Variants in GULP1 observed in about 807,000 individuals in gnomAD.
GULP1 encodes the protein PTB domain-containing engulfment adapter protein 1.
Under a neutral mutation model 40.9 loss-of-function variants are expected in GULP1, and 19 were observed. The observed-to-expected ratio is 0.46, with a 90% CI of 0.32 to 0.68. The LOEUF (loss-of-function observed/expected upper bound fraction) is 0.68, where lower values mean the gene tolerates loss of function less well. GULP1 is among the 30% of genes least tolerant of loss of function. The pLI is 0.03. For missense variants in GULP1, 312 were observed against 362.2 expected, an observed-to-expected ratio of 0.86 and a Z score of 1.12; for synonymous variants, 119 against 117.6, an observed-to-expected ratio of 1.01 and a Z score of -0.08.
At chr2:188,488,956 T>TA (rs1336732462) in intron 4 of GULP1, among the ~76,000 whole-genome samples, 3 of 151,988 alleles carry the variant, frequency 2.0e-5, no homozygotes, top group Non-Finnish European at 2.9e-5. Flanking sequence ...GAGAGAAAGT[T>TA]ACAACATTAT....
At chr2:188,509,620 C>G (rs2064298400) in intron 4 of GULP1, among the ~76,000 whole-genome samples, 1 of 151,928 alleles carries the variant, frequency 6.6e-6, no homozygotes, top group Non-Finnish European at 1.5e-5. Context: ...CACTCATTTT[C>G]TATGATATTC....
chr2:188,382,228 A>G (rs1361108660), intron 1 of GULP1, among the ~76,000 whole-genome samples: 1 of 152,168 alleles, frequency 6.6e-6, no homozygotes, highest in East Asian at 1.9e-4. Flanking sequence ...TGAAAGTTCC[A>G]GGGAATTAAT....
chr2:188,472,760 T>A (rs1366034985), intron 2 of GULP1, among the ~76,000 whole-genome samples: 1 of 152,236 alleles, frequency 6.6e-6, no homozygotes, highest in Non-Finnish European at 1.5e-5. Context: ...AGGTGACACA[T>A]CTTTGTTTTT....
chr2:188,429,758 G>C (rs555809499), intron 2 of GULP1, among the ~76,000 whole-genome samples: 8 of 152,056 alleles, frequency 5.3e-5, no homozygotes, highest in African/African-American at 1.9e-4. Context: ...GCCCAGGCTG[G>C]AGTGCAGTGG....
At chr2:188,550,809 TA>T (rs1693277393) in intron 7 of GULP1, among the ~76,000 whole-genome samples, 1 of 151,558 alleles carries the variant, frequency 6.6e-6, no homozygotes, top group Admixed American at 6.6e-5. Flanking sequence ...ATGTTTTTTT[TA>T]TTTCATTACA....
At chr2:188,394,761 C>A (rs1473244721) in intron 2 of GULP1, among the ~76,000 whole-genome samples, 2 of 152,142 alleles carry the variant, frequency 1.3e-5, no homozygotes, top group African/African-American at 4.8e-5. Context: ...TTTATGGTAA[C>A]CTAATGCAGC....
At chr2:188,566,720 C>T (rs916382926) in intron 7 of GULP1, among the ~76,000 whole-genome samples, 3 of 130,590 alleles carry the variant, frequency 2.3e-5, no homozygotes, top group South Asian at 2.6e-4. Context: ...CTCTTGAACT[C>T]GGGAGTGGAG....
At chr2:188,542,878 G>A (rs891337619) in intron 7 of GULP1, among the ~76,000 whole-genome samples, 40 of 152,056 alleles carry the variant, frequency 2.6e-4, no homozygotes, top group African/African-American at 8.7e-4. Context: ...CCTACATAAA[G>A]CAGTAAACTC....
At chr2:188,312,123 T>A (rs773432528) in intron 1 of GULP1, among the ~76,000 whole-genome samples, 2 of 152,030 alleles carry the variant, frequency 1.3e-5, no homozygotes, top group Non-Finnish European at 2.9e-5. Context: ...TTATGTCATA[T>A]CTCTTTATGT....
At chr2:188,408,992 A>C (rs914136179) in intron 2 of GULP1, among the ~76,000 whole-genome samples, 2 of 152,198 alleles carry the variant, frequency 1.3e-5, no homozygotes, top group Admixed American at 1.3e-4. Flanking sequence ...GTAGCAAAAC[A>C]GTTCTAAGAA....
At chr2:188,351,952 C>T (rs1195529136) in intron 1 of GULP1, among the ~76,000 whole-genome samples, 1 of 152,106 alleles carries the variant, frequency 6.6e-6, no homozygotes, top group Non-Finnish European at 1.5e-5. Flanking sequence ...AGCTAAGTTT[C>T]TCTTAACTAT....
intron 1 of GULP1, among the ~76,000 whole-genome samples, chr2:188,320,213 G>A (rs1158284902): frequency 1.3e-5 from 2 of 152,104 alleles, no homozygotes; most frequent in African/African-American, 2.4e-5. Flanking sequence ...GAGAACCAAA[G>A]TTTATTAGCA....
At chr2:188,386,220 CAA>C (rs2049725701) in intron 2 of GULP1, among the ~76,000 whole-genome samples, 1 of 152,100 alleles carries the variant, frequency 6.6e-6, no homozygotes, top group Admixed American at 6.6e-5. Flanking sequence ...CAGCAGCAGA[CAA>C]GAGAAGAGGG....
intron 4 of GULP1, among the ~76,000 whole-genome samples, chr2:188,488,437 A>T (rs115754394): frequency 0.02 from 3,090 of 152,130 alleles, 99 homozygotes; most frequent in African/African-American, 0.071. Flanking sequence ...ATATTTTTTT[A>T]AAACTTAGAT....
chr2:188,513,039 A>G (rs990487436), intron 4 of GULP1, among the ~76,000 whole-genome samples: 1 of 152,116 alleles, frequency 6.6e-6, no homozygotes. Flanking sequence ...TCTTTTGTAC[A>G]TCTGCCTAAA....
At chr2:188,321,906 T>C (rs956619928) in intron 1 of GULP1, among the ~76,000 whole-genome samples, 1 of 152,016 alleles carries the variant, frequency 6.6e-6, no homozygotes. Context: ...TCCCAGCTAC[T>C]TGGGAGGCTG....
chr2:188,588,220 G>C (rs1702812755), intron 11 of GULP1: 3 of 400,526 alleles, frequency 7.5e-6, no homozygotes, highest in Admixed American at 4.1e-5. Flanking sequence ...GGATTCTAAT[G>C]GTTCATTGTT....
At chr2:188,407,994 G>T (rs2152693836) in intron 2 of GULP1, among the ~76,000 whole-genome samples, 1 of 152,330 alleles carries the variant, frequency 6.6e-6, no homozygotes, top group East Asian at 1.9e-4. Flanking sequence ...CAGAGGTAGT[G>T]CTGTGATTTG....
At chr2:188,471,384 A>G (rs2060579616) in intron 2 of GULP1, among the ~76,000 whole-genome samples, 1 of 152,014 alleles carries the variant, frequency 6.6e-6, no homozygotes, top group African/African-American at 2.4e-5. Flanking sequence ...TTGATGACTA[A>G]GGACTTACTC....
Sources: gnomAD v4.1 joint callset for allele counts (sites outside exome capture counted in the v4.1 genomes callset) on GRCh38, gnomAD v4.1.1 for gene constraint, MANE v1.5 for transcripts, NCBI Gene and HGNC (gene_info 2026-07-23, HGNC 2026-07-21) for gene names.